Variants in CYP27C1 observed in about 807,000 individuals in gnomAD.
CYP27C1 encodes the protein cytochrome P450 family 27 subfamily C member 1.
A neutral mutation model predicts 40.6 loss-of-function variants in CYP27C1; 29 were observed. The ratio of observed to expected loss-of-function variants is 0.71; its 90% confidence interval spans 0.53 to 0.97. The LOEUF is 0.97. CYP27C1 is among the 50% of genes least tolerant of loss of function. CYP27C1 has a pLI of 0.00. For missense variants in CYP27C1, 390 were observed against 485.8 expected, an observed-to-expected ratio of 0.80 and a Z score of 1.85; for synonymous variants, 198 against 186.8, an observed-to-expected ratio of 1.06 and a Z score of -0.49.
intron 2 of CYP27C1, among the ~76,000 whole-genome samples, chr2:127,204,593 GAAAGAAAGAA>G (rs1683176500): frequency 1.0e-5 from 1 of 97,096 alleles, no homozygotes; most frequent in East Asian, 3.6e-4. Flanking sequence ...AAGAAAGAAA[GAAAGAAAGAA>G]AGAAAGAAAG....
At position 127,208,611 on chromosome 2, in the gene CYP27C1, G is replaced by A. The variant is rs1221028809; in HGVS notation, c.283-2521C>T. On this transcript the variant is annotated intron_variant, in intron 1 of 8. Transcript: ENST00000664447. The surrounding 1 kb of genome is among the most constrained non-coding windows in gnomAD (Gnocchi z 5.2). ...AACTGCCAACAGGCTAAGCTCCCTG[G>A]GTTGGGGAAGGGTGGCACCCATTTC... is the stretch of plus-strand genomic sequence containing the variant. 6.6e-6 allele frequency among the ~76,000 whole-genome samples: 1 copy of A among 152,182 alleles called. No individual in the cohort carries two copies. The highest frequency in any genetic ancestry group is 1.5e-5 in the Non-Finnish European group (1 of 68,034).
chr2:127,216,434 GA>G (rs1683431528), intron 1 of CYP27C1, among the ~76,000 whole-genome samples: 1 of 152,166 alleles, frequency 6.6e-6, no homozygotes, highest in Non-Finnish European at 1.5e-5. Flanking sequence ...TGTTTAAAGT[GA>G]AAGAAACCAC....
rs1020471820 is a variant in CYP27C1 at position 127,184,583 on chromosome 2, T to G, written c.*2688A>C. 1 of 152,036 alleles carries G rather than the reference T, an allele frequency of 6.6e-6. No individual in the cohort carries two copies. Among genetic ancestry groups the G allele is most frequent in the African/African-American group, 2.4e-5 (1 of 41,360 alleles). The allele number at this position is 152,036 out of a possible 1,614,324, so 9.4% of individuals were successfully genotyped here. A position where few individuals can be genotyped will look rare whatever the true frequency, so the allele number is the denominator to read the frequency against. On this transcript the variant is annotated 3_prime_UTR_variant, in exon 9 of 9. Transcript: ENST00000664447. ...CCCGCCACCATGCCTGGATAATTTCTGTATTTTTAGTAGAGATGGGGTTTC... is the reference window on the plus strand; with the variant it reads ...CCCGCCACCATGCCTGGATAATTTCGGTATTTTTAGTAGAGATGGGGTTTC...
At chr2:127,202,665 T>C (rs1268357997) in intron 3 of CYP27C1, among the ~76,000 whole-genome samples, 9 of 152,168 alleles carry the variant, frequency 5.9e-5, no homozygotes, top group South Asian at 2.1e-4. Flanking sequence ...TCATTCAATA[T>C]GACTAAAAGC....
rs758372229 is a variant in CYP27C1 at position 127,193,831 on chromosome 2, G to A, written c.1251C>T (p.Thr417=). Residue 417 remains threonine (T), a synonymous_variant, in exon 7 of 9, where the codon ACC becomes ACT. Transcript: ENST00000664447. ...ACCCGCCAATAACCAGGTCTTCCTG[G>A]GTGACCCGGCCGTTCCCTGGCAGCA... ...FPVLPGNGRV[T]QEDLVIGGYL... 9.3e-6 allele frequency: 15 copies of A among 1,614,208 alleles called. No homozygotes were observed. In the South Asian group the frequency reaches 1.6e-4, roughly 18 times the overall value.
rs775229277 is a variant in CYP27C1, at chr2:127,218,451, T to A, written c.282+1538A>T. On this transcript the variant is annotated intron_variant, in intron 1 of 8. Transcript: ENST00000664447. This position sits in a 1 kb window ranked among gnomAD's most constrained non-coding sequence, Gnocchi z 6.0. ...CAAAGAAAATCATTTTTGAGCCCTC[T>A]AAGCATTGGGGTGGGGGTGGCGGTT... Among the ~76,000 whole-genome samples the A allele has an allele frequency of 6.6e-6, 1 of 152,038 alleles. No individual in the cohort carries two copies. The highest frequency in any genetic ancestry group is 1.5e-5 in the Non-Finnish European group (1 of 68,000).
chr2:127,194,896 A>C (rs1682867559), intron 6 of CYP27C1, among the ~76,000 whole-genome samples: 1 of 146,194 alleles, frequency 6.8e-6, no homozygotes. Flanking sequence ...GCTGGAGTGC[A>C]CTGGTGCAAT....
Position 127,196,208 on chromosome 2 carries a change from G to A in CYP27C1, c.1048-707C>T, listed in dbSNP as rs1405339978. ...CTCCCGAGTAGCTGGGACTACAGGCGCTCACCACCACGCCCGGCTAATTTT... is the reference window on the plus strand; with the variant it reads ...CTCCCGAGTAGCTGGGACTACAGGCACTCACCACCACGCCCGGCTAATTTT... On this transcript the variant is annotated intron_variant, in intron 5 of 8. Coordinates refer to ENST00000664447, the MANE Select transcript of CYP27C1 (RefSeq NM_001367502.1). The surrounding 1 kb of genome is among the most constrained non-coding windows in gnomAD (Gnocchi z 4.5). 3.3e-5 allele frequency among the ~76,000 whole-genome samples: 5 copies of A among 151,756 alleles called. No homozygotes were observed. The highest frequency in any genetic ancestry group is 6.6e-5 in the Admixed American group (1 of 15,208).
At chr2:127,192,118 G>C (rs916131842) in intron 8 of CYP27C1, among the ~76,000 whole-genome samples, 4 of 152,162 alleles carry the variant, frequency 2.6e-5, no homozygotes, top group African/African-American at 9.7e-5. Context: ...GAGCCTGGAG[G>C]GGGCACCTGC....
At chr2:127,188,999 C>T (rs1022963771) in intron 8 of CYP27C1, among the ~76,000 whole-genome samples, 4 of 152,142 alleles carry the variant, frequency 2.6e-5, no homozygotes, top group Admixed American at 2.6e-4. Context: ...CTCGTGCTGA[C>T]CTCTCAGAAA....
At chr2:127,193,889 C>T (rs375465322) in intron 6 of CYP27C1, 22 bp from the exon 7 acceptor site, 90 of 1,613,548 alleles carry the variant, frequency 5.6e-5, no homozygotes, top group Non-Finnish European at 7.0e-5. Flanking sequence ...CCAGCGGGGA[C>T]GGGAATGGCG....
chr2:127,206,743 C>T (rs1242862222), intron 1 of CYP27C1, among the ~76,000 whole-genome samples: 2 of 152,188 alleles, frequency 1.3e-5, no homozygotes, highest in Non-Finnish European at 2.9e-5. Context: ...AACAGCTCTA[C>T]CCAAGCAGTA....
Position 127,195,370 on chromosome 2 carries a change from G to C in CYP27C1, c.1179C>G (p.Val393=), listed in dbSNP as rs771742150. 1.2e-6 allele frequency: 2 copies of C among 1,614,152 alleles called. No homozygotes were observed. Among genetic ancestry groups the C allele is most frequent in the Non-Finnish European group, 1.7e-6 (2 of 1,180,032 alleles). ...CCTTAAGGAGAGCTCTGACCAGCGG[G>C]ACCTTGGGGACATCAGCTGCAGTTG... The part of the protein sequence containing the change: ...HVPTAADVPK[V]PLVRALLKET... The change falls in exon 6 of 9, where the codon GTC becomes GTG. Residue 393 remains valine, a synonymous_variant. Coordinates refer to ENST00000664447, the MANE Select transcript of CYP27C1 (RefSeq NM_001367502.1). This position sits in a 1 kb window ranked among gnomAD's most constrained non-coding sequence, Gnocchi z 6.2.
rs932232434 is a variant in CYP27C1 at position 127,200,010 on chromosome 2, C to T, written c.884-471G>A. On this transcript the variant is annotated intron_variant, in intron 4 of 8. Transcript: ENST00000664447. The surrounding 1 kb of genome is among the most constrained non-coding windows in gnomAD (Gnocchi z 4.2). ...TTGTTGTTTCCTTAAGACAGAGGCTCGCTCTGTGGCCCAGGCTGGAGTGCA... is the reference window on the plus strand; with the variant it reads ...TTGTTGTTTCCTTAAGACAGAGGCTTGCTCTGTGGCCCAGGCTGGAGTGCA... 3.9e-5 allele frequency among the ~76,000 whole-genome samples: 6 copies of T among 152,100 alleles called. No individual in the cohort carries two copies. Among genetic ancestry groups the T allele is most frequent in the African/African-American group, 1.2e-4 (5 of 41,420 alleles).
rs1019843608 is a variant in CYP27C1 at position 127,199,521 on chromosome 2, T to C, written c.902A>G (p.Asn301Ser). Residue 301 changes from asparagine to serine, a missense_variant, in exon 5 of 9, where the codon AAC becomes AGC. Coordinates refer to ENST00000664447, the MANE Select transcript of CYP27C1 (RefSeq NM_001367502.1). ...TTGGTACTGTATGTCCCTCAACTTG[T>C]TGTCAACATGAATTTGGCCTGTTTG... is the stretch of plus-strand genomic sequence containing the variant. The part of the protein sequence containing the change: ...LFKFSQIHVD[N>S]KLRDIQYQMD... 2 of 1,613,518 alleles carry C rather than the reference T, an allele frequency of 1.2e-6. No individual in the cohort carries two copies. Among genetic ancestry groups the C allele is most frequent in the Non-Finnish European group, 8.5e-7 (1 of 1,179,744 alleles).
Position 127,195,296 on chromosome 2 carries a change from G to T in CYP27C1, c.1214+39C>A. ...TTGTGATAGAGAACCAGGGACCTAA[G>T]GGACACAGTTTGTTGACGGATTCTG... is the stretch of plus-strand genomic sequence containing the variant. On this transcript the variant is annotated intron_variant, in intron 6 of 8. Transcript: ENST00000664447. The surrounding 1 kb of genome is among the most constrained non-coding windows in gnomAD (Gnocchi z 6.2). 2 of 1,613,048 alleles carry T rather than the reference G, an allele frequency of 1.2e-6. No individual in the cohort carries two copies. The highest frequency in any genetic ancestry group is 2.2e-5 in the South Asian group (2 of 90,966).
chr2:127,196,847 A>C lies in CYP27C1; in HGVS notation c.1048-1346T>G, dbSNP rs1398326399. The stretch of plus-strand genomic sequence containing the variant: ...GAGTGCAGGAAGCCAGATGGAAAAG[A>C]CAGCATGCTATATGATTCCATTCTC... On this transcript the variant is annotated intron_variant, in intron 5 of 8. Transcript: ENST00000664447. This position sits in a 1 kb window ranked among gnomAD's most constrained non-coding sequence, Gnocchi z 4.5. Among the ~76,000 whole-genome samples, 1 of 152,232 alleles carries C rather than the reference A, an allele frequency of 6.6e-6. No homozygotes were observed. Among genetic ancestry groups the C allele is most frequent in the Non-Finnish European group, 1.5e-5 (1 of 68,038 alleles).
chr2:127,203,984 G>A (rs1450783716), intron 2 of CYP27C1, among the ~76,000 whole-genome samples: 4 of 151,726 alleles, frequency 2.6e-5, no homozygotes, highest in African/African-American at 9.7e-5. Flanking sequence ...GAAAAAGAGG[G>A]CCAGGCATGG....
Position 127,195,633 on chromosome 2 carries a change from A to G in CYP27C1, c.1048-132T>C. ...TCAAACTCATCCAATTCCATATAGC[A>G]CCTAATGTCTTACTAAAAACGAAAG... On this transcript the variant is annotated intron_variant, in intron 5 of 8. Coordinates refer to ENST00000664447, the MANE Select transcript of CYP27C1 (RefSeq NM_001367502.1). The surrounding 1 kb of genome is among the most constrained non-coding windows in gnomAD (Gnocchi z 6.2). 1.3e-6 allele frequency: 1 copy of G among 764,822 alleles called. No individual in the cohort carries two copies. Among genetic ancestry groups the G allele is most frequent in the South Asian group, 2.2e-5 (1 of 45,194 alleles). The allele number at this position is 764,822 out of a possible 1,614,324, so 47.4% of individuals were successfully genotyped here.
Sources: allele counts gnomAD v4.1 joint callset (sites outside exome capture counted in the v4.1 genomes callset), GRCh38; gene constraint gnomAD v4.1.1; non-coding constraint Gnocchi (gnomAD v3.1); transcripts MANE v1.5; gene names NCBI Gene and HGNC (gene_info 2026-07-23, HGNC 2026-07-21).